GALNT17: variants seen among roughly 807,000 people sequenced by gnomAD.
The protein encoded by GALNT17 is polypeptide N-acetylgalactosaminyltransferase 17.
In GALNT17, 29 loss-of-function variants were observed where a neutral mutation model predicts 63.7. The ratio of observed to expected loss-of-function variants is 0.46; its 90% CI spans 0.34 to 0.62. GALNT17 has a LOEUF of 0.62. GALNT17 is among the 20% of genes least tolerant of loss of function. GALNT17 has a pLI of 0.01. For synonymous variants in GALNT17, 305 were observed against 318.3 expected, an observed-to-expected ratio of 0.96 and a Z score of 0.45; for missense variants, 603 against 799.6, an observed-to-expected ratio of 0.75 and a Z score of 2.97.
intron 5 of GALNT17, among the ~76,000 whole-genome samples, chr7:71,477,514 G>A (rs1324859923): frequency 1.3e-5 from 2 of 152,164 alleles, no homozygotes; most frequent in Non-Finnish European, 2.9e-5. Flanking sequence ...GGAAAAATGT[G>A]TGGTTTTCAA....
chr7:71,651,247 G>A (rs1411359188), intron 6 of GALNT17, among the ~76,000 whole-genome samples: 1 of 144,136 alleles, frequency 6.9e-6, no homozygotes, highest in Non-Finnish European at 1.5e-5. Flanking sequence ...AAAAAGGAAG[G>A]GAGGTGGGGA....
At chr7:71,627,024 T>C (rs1679209747) in intron 6 of GALNT17, among the ~76,000 whole-genome samples, 1 of 152,156 alleles carries the variant, frequency 6.6e-6, no homozygotes, top group Non-Finnish European at 1.5e-5. Flanking sequence ...GGAACATGAA[T>C]TAAGAAAACC....
chr7:71,287,569 C>T (rs1210753837), intron 1 of GALNT17, among the ~76,000 whole-genome samples: 1 of 152,174 alleles, frequency 6.6e-6, no homozygotes, highest in East Asian at 1.9e-4. Flanking sequence ...GTTAGAGGCA[C>T]TGACCTTATA....
chr7:71,133,413 C>T (rs1297136176), intron 1 of GALNT17, among the ~76,000 whole-genome samples: 1 of 151,750 alleles, frequency 6.6e-6, no homozygotes, highest in African/African-American at 2.4e-5. Flanking sequence ...AGGAAATAGT[C>T]TTAGAGCCCA....
intron 5 of GALNT17, among the ~76,000 whole-genome samples, chr7:71,446,254 T>G (rs1044151258): frequency 6.6e-6 from 1 of 152,160 alleles, no homozygotes; most frequent in African/African-American, 2.4e-5. Flanking sequence ...AAAAATACTT[T>G]TTTTATTATG....
intron 5 of GALNT17, among the ~76,000 whole-genome samples, chr7:71,492,748 G>T (rs1788031388): frequency 6.6e-6 from 1 of 152,204 alleles, no homozygotes; most frequent in Non-Finnish European, 1.5e-5. Context: ...AATGCAGTTG[G>T]ACAATAGAGT....
intron 6 of GALNT17, among the ~76,000 whole-genome samples, chr7:71,596,955 A>G (rs915151648): frequency 1.3e-5 from 2 of 152,032 alleles, no homozygotes; most frequent in African/African-American, 4.8e-5. Context: ...TGGGAGGCCC[A>G]TGCAGGAGAA....
Position 71,266,612 on chromosome 7 carries a change from G to T in GALNT17, c.239-68938G>T, listed in dbSNP as rs563611153. ...GTAGAGCTTTATAGGTATAGAGATTGGACTAATACATCTGCAAAGCCCCAT... is the reference window on the plus strand; with the variant it reads ...GTAGAGCTTTATAGGTATAGAGATTTGACTAATACATCTGCAAAGCCCCAT... On this transcript the variant is annotated intron_variant, in intron 1 of 10. Transcript: ENST00000333538. 2.4e-4 allele frequency among the ~76,000 whole-genome samples: 36 copies of T among 152,262 alleles called. No homozygotes were observed. In the South Asian group the frequency reaches 3.3e-3, roughly 14 times the overall value.
At chr7:71,584,844 T>C (rs915514514) in intron 6 of GALNT17, among the ~76,000 whole-genome samples, 5 of 152,174 alleles carry the variant, frequency 3.3e-5, no homozygotes, top group Admixed American at 2.6e-4. Context: ...AAGCTCTGCC[T>C]CTCGAGTTCA....
At chr7:71,693,265 C>T (rs113499184) in intron 9 of GALNT17, among the ~76,000 whole-genome samples, 39,659 of 80,722 alleles carry the variant, frequency 0.49, 8,179 homozygotes, top group Admixed American at 0.55. Context: ...CACACACATA[C>T]ACACACACAC....
intron 1 of GALNT17, among the ~76,000 whole-genome samples, chr7:71,245,278 TG>T (rs554443429): frequency 8.5e-5 from 13 of 152,118 alleles, no homozygotes; most frequent in Non-Finnish European, 1.6e-4. Context: ...GAAGATTCTG[TG>T]GGGGCCGTGC....
intron 6 of GALNT17, among the ~76,000 whole-genome samples, chr7:71,628,382 A>C (rs1041944415): frequency 3.9e-5 from 6 of 152,018 alleles, no homozygotes; most frequent in Admixed American, 3.9e-4. Context: ...GAGTGCAGTG[A>C]CATGATCTTG....
chr7:71,428,804 T>G (rs985739454), intron 5 of GALNT17, among the ~76,000 whole-genome samples: 1 of 152,200 alleles, frequency 6.6e-6, no homozygotes, highest in Non-Finnish European at 1.5e-5. Flanking sequence ...TTTCTGGGAT[T>G]TGCACACCTT....
chr7:71,672,883 A>G (rs1791091290), intron 8 of GALNT17, among the ~76,000 whole-genome samples: 1 of 152,258 alleles, frequency 6.6e-6, no homozygotes, highest in Non-Finnish European at 1.5e-5. Flanking sequence ...TCAAAGAAAA[A>G]TAAACAAAGT....
intron 1 of GALNT17, among the ~76,000 whole-genome samples, chr7:71,146,924 A>G (rs1452416553): frequency 6.6e-6 from 1 of 152,182 alleles, no homozygotes; most frequent in Non-Finnish European, 1.5e-5. Flanking sequence ...GACTTCTTCC[A>G]TCCTAGCCTC....
intron 1 of GALNT17, among the ~76,000 whole-genome samples, chr7:71,197,511 T>C (rs1015781586): frequency 2.0e-5 from 3 of 151,882 alleles, no homozygotes; most frequent in Non-Finnish European, 4.4e-5. Context: ...CCTGGCCCTG[T>C]TGTACATTTA....
At chr7:71,412,635 A>T (rs1054021689) in intron 3 of GALNT17, among the ~76,000 whole-genome samples, 3 of 152,114 alleles carry the variant, frequency 2.0e-5, no homozygotes, top group Non-Finnish European at 4.4e-5. Flanking sequence ...TCTCACCTCC[A>T]GACCATTGTC....
At chr7:71,168,142 T>C (rs913968051) in intron 1 of GALNT17, among the ~76,000 whole-genome samples, 2 of 152,210 alleles carry the variant, frequency 1.3e-5, no homozygotes, top group Admixed American at 6.5e-5. Context: ...CATGTATGTC[T>C]AGGTAGGGTT....
At chr7:71,330,486 C>T (rs1048542001) in intron 1 of GALNT17, among the ~76,000 whole-genome samples, 44 of 152,274 alleles carry the variant, frequency 2.9e-4, no homozygotes, top group South Asian at 6.2e-4. Flanking sequence ...CAGGCTTGAA[C>T]TCCTGAGCTC....
Sources: allele counts gnomAD v4.1 joint callset (sites outside exome capture counted in the v4.1 genomes callset), GRCh38; gene constraint gnomAD v4.1.1; transcripts MANE v1.5; gene names NCBI Gene and HGNC (gene_info 2026-07-23, HGNC 2026-07-21).